AK8: variants seen among roughly 807,000 people sequenced by gnomAD.
AK8 encodes ATP-AMP transphosphorylase 8.
AK8 carries 44 observed loss-of-function variants against 54.6 expected under a neutral mutation model. That is an observed-to-expected ratio of 0.81 (90% CI 0.63 to 1.04). AK8 has a LOEUF of 1.04. Ranked by LOEUF, AK8 falls within the 50% of genes least tolerant of loss-of-function variation. AK8 has a pLI of 0.00. For missense variants in AK8, 555 were observed against 613.6 expected, an observed-to-expected ratio of 0.90 and a Z score of 1.01; for synonymous variants, 239 against 245.6, an observed-to-expected ratio of 0.97 and a Z score of 0.25.
chr9:132,844,925 T>G (rs1173096827), intron 5 of AK8, among the ~76,000 whole-genome samples: 3 of 152,218 alleles, frequency 2.0e-5, no homozygotes, highest in Non-Finnish European at 2.9e-5. Context: ...TACAACACTG[T>G]GTTTGCATCT....
At chr9:132,836,064 G>A (rs2809256) in intron 5 of AK8, among the ~76,000 whole-genome samples, 30,928 of 152,030 alleles carry the variant, frequency 0.2, 3,438 homozygotes, top group East Asian at 0.44. Flanking sequence ...TGGAGGTTGC[G>A]GTGAGCTGAG....
At chr9:132,838,219 C>T (rs1842403592) in intron 5 of AK8, among the ~76,000 whole-genome samples, 1 of 151,322 alleles carries the variant, frequency 6.6e-6, no homozygotes, top group South Asian at 2.1e-4. Context: ...ATGTTATGGG[C>T]AGGGAAGCAT....
intron 5 of AK8, among the ~76,000 whole-genome samples, chr9:132,835,166 G>A (rs777308819): frequency 2.0e-5 from 3 of 152,128 alleles, no homozygotes; most frequent in Non-Finnish European, 2.9e-5. Flanking sequence ...CACTGCGCCC[G>A]GCTTCAAGAG....
chr9:132,799,774 C>T lies in AK8; in HGVS notation c.980-6999G>A, dbSNP rs1840356436. Among the ~76,000 whole-genome samples, 1 of 152,198 alleles carries T rather than the reference C, an allele frequency of 6.6e-6. No individual in the cohort carries two copies. Among genetic ancestry groups the T allele is most frequent in the South Asian group, 2.1e-4 (1 of 4,836 alleles). ...GCACCCACACTGCCTCTCCTCATCC[C>T]TCACATTCGCTTCAAACTGCCCGGT... is the stretch of plus-strand genomic sequence containing the variant. On this transcript the variant is annotated intron_variant, in intron 10 of 12. Coordinates refer to ENST00000298545, the MANE Select transcript of AK8 (RefSeq NM_152572.3). This position sits in a 1 kb window ranked among gnomAD's most constrained non-coding sequence, Gnocchi z 5.0.
At position 132,799,149 on chromosome 9, in the gene AK8, G is replaced by T. The variant is rs1419520796; in HGVS notation, c.980-6374C>A. 6.6e-6 allele frequency among the ~76,000 whole-genome samples: 1 copy of T among 152,130 alleles called. No individual in the cohort carries two copies. The highest frequency in any genetic ancestry group is 2.1e-4 in the South Asian group (1 of 4,824). The stretch of plus-strand genomic sequence containing the variant: ...TGCGGTTTTCCAGCAGGCACCAGAG[G>T]CCCCTCCTGCTGCGCCACGCCGCCG... On this transcript the variant is annotated intron_variant, in intron 10 of 12. Transcript: ENST00000298545. This position sits in a 1 kb window ranked among gnomAD's most constrained non-coding sequence, Gnocchi z 5.0.
At chr9:132,747,866 A>T (rs1331743400) in intron 11 of AK8, among the ~76,000 whole-genome samples, 1 of 150,232 alleles carries the variant, frequency 6.7e-6, no homozygotes, top group Non-Finnish European at 1.5e-5. Context: ...CTGTAATCCC[A>T]GCACTTTGGG....
rs551244475 is a variant in AK8, at chr9:132,785,743, G to C, written c.1121+6891C>G. On this transcript the variant is annotated intron_variant, in intron 11 of 12. Transcript: ENST00000298545. ...CCAATTTCATTCTGTCCACAGTGAA[G>C]ACAACATCTACGGGCTCCACCCATG... Among the ~76,000 whole-genome samples, 109 of 152,322 alleles carry C rather than the reference G, an allele frequency of 7.2e-4. 1 individual carries two copies. The highest frequency in any genetic ancestry group is 2.5e-3 in the African/African-American group (103 of 41,570).
At position 132,854,852 on chromosome 9, in the gene AK8, C is replaced by G; in HGVS notation, c.402+5G>C. On this transcript the variant is annotated splice_donor_5th_base_variant and intron_variant, in intron 5 of 12. Coordinates refer to ENST00000298545, the MANE Select transcript of AK8 (RefSeq NM_152572.3). ...ACTGAAACCCCTAGCTCACTGGAGT[C>G]TTACCTGCTTGATGCAATCCTCTTC... is the stretch of plus-strand genomic sequence containing the variant. 1 of 1,614,100 alleles carries G rather than the reference C, an allele frequency of 6.2e-7. No homozygotes were observed.
At chr9:132,769,435 T>C (rs1415656698) in intron 11 of AK8, 4 of 152,174 alleles carry the variant, frequency 2.6e-5, no homozygotes, top group Non-Finnish European at 4.4e-5. Context: ...TCTGAACACT[T>C]TCCCGGGAGG....
At chr9:132,872,469 T>G (rs1348991529) in intron 2 of AK8, among the ~76,000 whole-genome samples, 1 of 151,976 alleles carries the variant, frequency 6.6e-6, no homozygotes, top group Non-Finnish European at 1.5e-5. Flanking sequence ...TCGAGCACAT[T>G]TTTTTTTAGA....
At chr9:132,835,813 C>T (rs971277642) in intron 5 of AK8, among the ~76,000 whole-genome samples, 1 of 152,106 alleles carries the variant, frequency 6.6e-6, no homozygotes, top group African/African-American at 2.4e-5. Context: ...CACAGCGAGA[C>T]CCCGCTTCTA....
intron 7 of AK8, chr9:132,827,755 G>A (rs1841934048): frequency 2.1e-6 from 1 of 471,880 alleles, no homozygotes; most frequent in Non-Finnish European, 3.8e-6. Context: ...CAGGTGCCTG[G>A]CATGACCCCC....
chr9:132,876,122 G>C (rs1341222946), intron 1 of AK8, among the ~76,000 whole-genome samples: 1 of 152,182 alleles, frequency 6.6e-6, no homozygotes, highest in Non-Finnish European at 1.5e-5. Context: ...GGCAGGGAAA[G>C]AGCACCGAGC....
chr9:132,822,251 A>C (rs946447905), intron 9 of AK8, among the ~76,000 whole-genome samples: 1 of 79,888 alleles, frequency 1.3e-5, no homozygotes, highest in African/African-American at 5.1e-5. Flanking sequence ...ATATATACAT[A>C]TATGTGTATG....
chr9:132,869,888 C>T (rs1010600068), intron 2 of AK8, among the ~76,000 whole-genome samples: 1 of 151,924 alleles, frequency 6.6e-6, no homozygotes, highest in Non-Finnish European at 1.5e-5. Flanking sequence ...GGAGAGAGCG[C>T]CTGCTTGGCC....
chr9:132,862,130 T>A (rs1004563687), intron 4 of AK8, among the ~76,000 whole-genome samples: 75 of 152,240 alleles, frequency 4.9e-4, no homozygotes, highest in African/African-American at 1.8e-3. Flanking sequence ...TCTAAAACCA[T>A]ATTCCCAGCC....
At chr9:132,780,096 A>G (rs1182024190) in intron 11 of AK8, among the ~76,000 whole-genome samples, 6 of 152,280 alleles carry the variant, frequency 3.9e-5, no homozygotes, top group African/African-American at 1.2e-4. Context: ...AGGGAAAGGG[A>G]AGAAGTGTCC....
chr9:132,834,485 CCT>C (rs755926237), intron 5 of AK8, among the ~76,000 whole-genome samples: 15 of 152,142 alleles, frequency 9.9e-5, no homozygotes, highest in Non-Finnish European at 1.5e-4. Context: ...ATATGCAACC[CCT>C]GTTAGCACTG....
At chr9:132,873,146 C>T (rs887910584) in intron 2 of AK8, among the ~76,000 whole-genome samples, 2 of 152,190 alleles carry the variant, frequency 1.3e-5, no homozygotes, top group Non-Finnish European at 2.9e-5. Flanking sequence ...TGGGGTTTTG[C>T]CATATTGGCC....
Sources: allele counts gnomAD v4.1 joint callset (sites outside exome capture counted in the v4.1 genomes callset), GRCh38; gene constraint gnomAD v4.1.1; non-coding constraint Gnocchi (gnomAD v3.1); transcripts MANE v1.5; gene names NCBI Gene and HGNC (gene_info 2026-07-23, HGNC 2026-07-21).